Variants in CD5 observed in about 807,000 individuals in gnomAD.
CD5 encodes the protein T-cell surface glycoprotein CD5.
In CD5, 36 loss-of-function variants were observed where a neutral mutation model predicts 60.3. The ratio of observed to expected loss-of-function variants is 0.60; its 90% CI spans 0.46 to 0.79. The LOEUF is 0.79. Ranked by LOEUF, CD5 falls within the 30% of genes least tolerant of loss-of-function variation. CD5 has a pLI of 0.00. For missense variants in CD5, 540 were observed against 630.6 expected (o/e 0.86, Z 1.54); for synonymous variants, 230 against 257.6 (o/e 0.89, Z 1.03).
chr11:61,126,431 G>GC lies in CD5; in HGVS notation c.*150dup, dbSNP rs1227363095. On this transcript the variant is annotated 3_prime_UTR_variant, in exon 11 of 11. Transcript: ENST00000347785. Reference sequence around the variant, plus strand: ...AGAAGCCTTCCGGACAGGCGCTGCTGCCCCGAGTGGCAGGCCAGCTCACAC... The same window carrying GC: ...AGAAGCCTTCCGGACAGGCGCTGCTGCCCCCGAGTGGCAGGCCAGCTCACAC... 1 of 152,256 alleles carries GC rather than the reference G, an allele frequency of 6.6e-6. No individual in the cohort carries two copies. The highest frequency in any genetic ancestry group is 2.4e-5 in the African/African-American group (1 of 41,452). 9.4% of individuals were successfully genotyped at this position (152,256 alleles called of 1,614,324 possible). A position where few individuals can be genotyped will look rare whatever the true frequency, so the allele number is the denominator to read the frequency against.
the CD5 span, among the ~76,000 whole-genome samples, chr11:61,095,588 G>C: frequency 2.0e-5 from 3 of 152,128 alleles, no homozygotes; most frequent in Non-Finnish European, 4.4e-5. Context: ...GGCTAGAGAA[G>C]CACGTCCCAG....
intron 1 of CD5, among the ~76,000 whole-genome samples, chr11:61,105,617 G>A (rs1337992867): frequency 6.6e-6 from 1 of 152,202 alleles, no homozygotes. Context: ...GGTCTTGCCA[G>A]AGGCCTGCAC....
chr11:61,118,953 CCCA>C lies in CD5; in HGVS notation c.444_446del (p.Thr150del), dbSNP rs769463490. The C allele has an allele frequency of 8.1e-6, 13 of 1,613,812 alleles. No homozygotes were observed. The highest frequency in any genetic ancestry group is 1.1e-5 in the South Asian group (1 of 91,066). Reference sequence around the variant, plus strand: ...AACACCTCCAACGACAAGGCCCCCGCCCACCACAACTCCAGAGCCCACAGGTAA... The same window carrying C: ...AACACCTCCAACGACAAGGCCCCCGCCCACAACTCCAGAGCCCACAGGTAA... On this transcript the variant is annotated inframe_deletion, in exon 4 of 11. Coordinates refer to ENST00000347785, the MANE Select transcript of CD5 (RefSeq NM_014207.4). This position sits in a 1 kb window ranked among gnomAD's most constrained non-coding sequence, Gnocchi z 4.7.
Position 61,118,859 on chromosome 11 carries a change from G to A in CD5, c.401-56G>A. 3.1e-6 allele frequency: 4 copies of A among 1,303,434 alleles called. No homozygotes were observed. Among genetic ancestry groups the A allele is most frequent in the Non-Finnish European group, 4.4e-6 (4 of 905,236 alleles). 80.7% of individuals were successfully genotyped at this position (1,303,434 alleles called of 1,614,324 possible). A position where few individuals can be genotyped will look rare whatever the true frequency, so the allele number is the denominator to read the frequency against. On this transcript the variant is annotated intron_variant, in intron 3 of 10. Transcript: ENST00000347785. This position sits in a 1 kb window ranked among gnomAD's most constrained non-coding sequence, Gnocchi z 4.7. ...CCTGGTCCTCTCAAGGCTGCTGGCTGCCCCCGGCCCTCCCCACACCACCCA... is the reference window on the plus strand; with the variant it reads ...CCTGGTCCTCTCAAGGCTGCTGGCTACCCCCGGCCCTCCCCACACCACCCA...
intron 1 of CD5, among the ~76,000 whole-genome samples, chr11:61,103,696 C>T (rs1860734917): frequency 1.5e-5 from 2 of 137,528 alleles, no homozygotes; most frequent in African/African-American, 5.9e-5. Context: ...AGTCTCTGGG[C>T]ATGTGTGTGA....
chr11:61,115,903 G>A (rs964160471), intron 2 of CD5, among the ~76,000 whole-genome samples: 15 of 152,326 alleles, frequency 9.8e-5, no homozygotes, highest in Admixed American at 7.2e-4. Context: ...TCTTGAGCCC[G>A]TTTCCCCAGC....
chr11:61,117,892 T>G (rs1467496779), intron 2 of CD5, among the ~76,000 whole-genome samples: 2 of 152,242 alleles, frequency 1.3e-5, no homozygotes, highest in Non-Finnish European at 2.9e-5. Flanking sequence ...GCCATCCTGC[T>G]GGACAGTGGG....
chr11:61,113,889 C>A (rs1860896160), intron 1 of CD5, among the ~76,000 whole-genome samples: 1 of 152,158 alleles, frequency 6.6e-6, no homozygotes, highest in African/African-American at 2.4e-5. Flanking sequence ...AGGCCAGTCT[C>A]AAACTCCTGA....
Position 61,118,171 on chromosome 11 carries a change from CCA to C in CD5, c.95-3_95-2del. On this transcript the variant is annotated splice_acceptor_variant and splice_polypyrimidine_tract_variant and intron_variant, in intron 2 of 10. Coordinates refer to ENST00000347785, the MANE Select transcript of CD5 (RefSeq NM_014207.4). LOFTEE classifies it high-confidence loss of function. This position sits in a 1 kb window ranked among gnomAD's most constrained non-coding sequence, Gnocchi z 4.7. ...GACCCCCACCACACCTTTCTGACCCCCAGATTTCCAGGCAAGGCTCACCCGTT... is the reference window on the plus strand; with the variant it reads ...GACCCCCACCACACCTTTCTGACCCCGATTTCCAGGCAAGGCTCACCCGTT... 1.9e-6 allele frequency: 3 copies of C among 1,611,794 alleles called. No homozygotes were observed. The highest frequency in any genetic ancestry group is 2.5e-6 in the Non-Finnish European group (3 of 1,178,156).
In CD5 at chr11:61,123,179, C is replaced by T. The variant is rs939767574; in HGVS notation, c.1225+147C>T. 28 of 919,942 alleles carry T rather than the reference C, an allele frequency of 3.0e-5. No individual in the cohort carries two copies. In the African/African-American group the frequency reaches 4.7e-4, roughly 15 times the overall value. The allele number at this position is 919,942 out of a possible 1,614,324, so 57.0% of individuals were successfully genotyped here. A position where few individuals can be genotyped will look rare whatever the true frequency, so the allele number is the denominator to read the frequency against. The stretch of plus-strand genomic sequence containing the variant: ...CACCACCCAGCCTTCCCCTCTCCTG[C>T]CCATTAGCCATTTTCTGCCCCAAGT... On this transcript the variant is annotated intron_variant, in intron 7 of 10. Coordinates refer to ENST00000347785, the MANE Select transcript of CD5 (RefSeq NM_014207.4).
In CD5 at chr11:61,105,182, G is replaced by A. The variant is rs150715016; in HGVS notation, c.55+2567G>A. ...GCCTGGGTGCTAGTGACAGGCCAGGGCTTCCCACAGTTGCTCCCCTCTCAG... is the reference window on the plus strand; with the variant it reads ...GCCTGGGTGCTAGTGACAGGCCAGGACTTCCCACAGTTGCTCCCCTCTCAG... On this transcript the variant is annotated intron_variant, in intron 1 of 10. Coordinates refer to ENST00000347785, the MANE Select transcript of CD5 (RefSeq NM_014207.4). Among the ~76,000 whole-genome samples the A allele has an allele frequency of 3.5e-3, 533 of 152,336 alleles. 4 individuals are homozygous for A. The highest frequency in any genetic ancestry group is 0.012 in the African/African-American group (513 of 41,572).
At chr11:61,117,349 G>A (rs747952682) in intron 2 of CD5, among the ~76,000 whole-genome samples, 5 of 152,200 alleles carry the variant, frequency 3.3e-5, no homozygotes, top group Non-Finnish European at 7.4e-5. Flanking sequence ...ACTATAAAGG[G>A]GCCTTAGGGA....
In CD5 at chr11:61,104,750, A is replaced by G. The variant is rs186299798; in HGVS notation, c.55+2135A>G. On this transcript the variant is annotated intron_variant, in intron 1 of 10. Transcript: ENST00000347785. ...TCTGCTGCAAGCTTCACAACAGCCA[A>G]TGAAGTAGGTGGGCCCATTGGCCCC... 3.6e-3 allele frequency among the ~76,000 whole-genome samples: 555 copies of G among 152,346 alleles called. 2 individuals are homozygous for G. The highest frequency in any genetic ancestry group is 0.014 in the Middle Eastern group (4 of 294).
rs200138022 is a variant in CD5 at position 61,125,826 on chromosome 11, C to A, written c.1475C>A (p.Ala492Asp). The A allele has an allele frequency of 4.9e-5, 79 of 1,609,990 alleles. 2 individuals are homozygous for A. The African/African-American group carries it at 8.1e-4, about 17-fold the overall frequency. The change falls in exon 10 of 11, where the codon GCT (alanine) becomes GAT (aspartate). Residue 492 changes from alanine to aspartate, a missense_variant. Ala to Asp is a moderately radical substitution (Grantham distance 126, BLOSUM62 -2). Transcript: ENST00000347785. ...SSDSDYDLHG[A>D]QRL is the part of the protein sequence containing the mutation. Reference sequence around the variant, plus strand: ...GACAGTGACTATGATCTGCATGGGGCTCAGAGGCTGTAAAGGTGAGCCCGT... The same window carrying A: ...GACAGTGACTATGATCTGCATGGGGATCAGAGGCTGTAAAGGTGAGCCCGT...
chr11:61,101,950 ACACT>A (rs1860699551), upstream of CD5, among the ~76,000 whole-genome samples: 1 of 147,716 alleles, frequency 6.8e-6, no homozygotes, highest in East Asian at 2.0e-4. Context: ...ACACACACAC[ACACT>A]GGCACAAGCC....
chr11:61,115,471 A>G (rs1337299686), intron 2 of CD5, among the ~76,000 whole-genome samples: 4 of 152,138 alleles, frequency 2.6e-5, no homozygotes, highest in African/African-American at 4.8e-5. Context: ...CTGCAGAGAG[A>G]GGCCGCAGAC....
intron 8 of CD5, among the ~76,000 whole-genome samples, chr11:61,124,335 A>G (rs1861114971): frequency 6.6e-6 from 1 of 152,252 alleles, no homozygotes; most frequent in Non-Finnish European, 1.5e-5. Context: ...ACCATGAGTT[A>G]GGCACAGCTA....
chr11:61,095,995 C>T, the CD5 span, among the ~76,000 whole-genome samples: 1 of 152,204 alleles, frequency 6.6e-6, no homozygotes, highest in African/African-American at 2.4e-5. Flanking sequence ...GGTATGAATA[C>T]CTCACAGTTA....
At chr11:61,123,179 C>A in intron 7 of CD5, 147 bp downstream of exon 7, 1 of 920,058 alleles carries the variant, frequency 1.1e-6, no homozygotes, top group Non-Finnish European at 1.6e-6. Flanking sequence ...CCCTCTCCTG[C>A]CCATTAGCCA....
Sources: gnomAD v4.1 joint callset for allele counts (sites outside exome capture counted in the v4.1 genomes callset) on GRCh38, gnomAD v4.1.1 for gene constraint, Gnocchi (gnomAD v3.1) non-coding constraint, MANE v1.5 for transcripts, NCBI Gene and HGNC (gene_info 2026-07-23, HGNC 2026-07-21) for gene names.